Variants in PTPRM observed in about 807,000 individuals in gnomAD.
PTPRM encodes the protein protein tyrosine phosphatase receptor type M.
PTPRM carries 47 observed loss-of-function variants against 186.7 expected under a neutral mutation model. The ratio of observed to expected loss-of-function variants is 0.25; its 90% CI spans 0.20 to 0.32. PTPRM has a LOEUF of 0.32. Among genes scored for constraint, PTPRM ranks in the 10% least tolerant of loss-of-function variants. The pLI is 1.00. For missense variants in PTPRM, 1,494 were observed against 1,865.0 expected (o/e 0.80, Z 3.66); for synonymous variants, 668 against 674.9 (o/e 0.99, Z 0.16).
chr18:8,012,981 G>T (rs1248467369), intron 7 of PTPRM, among the ~76,000 whole-genome samples: 1 of 152,082 alleles, frequency 6.6e-6, no homozygotes, highest in East Asian at 1.9e-4. Context: ...AGGAAGAGTG[G>T]TAGCAAAAGG....
At chr18:7,589,632 T>C (rs2037071853) in intron 1 of PTPRM, among the ~76,000 whole-genome samples, 1 of 152,168 alleles carries the variant, frequency 6.6e-6, no homozygotes, top group Non-Finnish European at 1.5e-5. Context: ...TCAATTCTGG[T>C]CTTAGTCTGT....
chr18:7,941,730 G>GT (rs1352398398), intron 5 of PTPRM, among the ~76,000 whole-genome samples: 2 of 152,198 alleles, frequency 1.3e-5, no homozygotes. Context: ...TGCGACTCTG[G>GT]TCGCTTGCAT....
At chr18:7,806,930 T>G (rs914747307) in intron 2 of PTPRM, among the ~76,000 whole-genome samples, 2 of 152,234 alleles carry the variant, frequency 1.3e-5, no homozygotes, top group African/African-American at 4.8e-5. Flanking sequence ...CCATTTTCCC[T>G]GACTGCATTG....
intron 14 of PTPRM, among the ~76,000 whole-genome samples, chr18:8,179,046 G>T (rs1201237912): frequency 6.6e-6 from 1 of 152,096 alleles, no homozygotes; most frequent in African/African-American, 2.4e-5. Context: ...AAGGTATGAG[G>T]CCAGCTTTCC....
At chr18:7,680,542 C>T (rs1039061750) in intron 1 of PTPRM, among the ~76,000 whole-genome samples, 3 of 152,052 alleles carry the variant, frequency 2.0e-5, no homozygotes, top group Non-Finnish European at 2.9e-5. Context: ...GATGACATTT[C>T]GGGTAGACGT....
chr18:7,619,998 G>T (rs1164460211), intron 1 of PTPRM, among the ~76,000 whole-genome samples: 1 of 152,184 alleles, frequency 6.6e-6, no homozygotes, highest in African/African-American at 2.4e-5. Flanking sequence ...TGCACAAGAA[G>T]TGATATGTTC....
intron 11 of PTPRM, among the ~76,000 whole-genome samples, chr18:8,104,334 C>T (rs1182828648): frequency 1.3e-5 from 2 of 152,154 alleles, no homozygotes; most frequent in African/African-American, 4.8e-5. Flanking sequence ...TCATTGGAAT[C>T]TCTGGGGTTT....
chr18:8,185,497 C>G (rs575408197), intron 14 of PTPRM, among the ~76,000 whole-genome samples: 1 of 152,352 alleles, frequency 6.6e-6, no homozygotes, highest in East Asian at 1.9e-4. Context: ...CCCTGACCAG[C>G]CTGCCTCCTG....
intron 14 of PTPRM, among the ~76,000 whole-genome samples, chr18:8,159,443 C>G (rs1568441913): frequency 6.6e-6 from 1 of 152,044 alleles, no homozygotes; most frequent in South Asian, 2.1e-4. Flanking sequence ...TTTATTAAAT[C>G]CCAACATACT....
At chr18:8,114,936 G>C in intron 13 of PTPRM, 109 bp downstream of exon 13, 1 of 796,216 alleles carries the variant, frequency 1.3e-6, no homozygotes, top group South Asian at 1.8e-5. Flanking sequence ...TAAAATGTGT[G>C]TATTATATAT....
chr18:7,820,155 A>G (rs201635632), intron 2 of PTPRM, among the ~76,000 whole-genome samples: 2 of 151,986 alleles, frequency 1.3e-5, no homozygotes, highest in African/African-American at 4.8e-5. Flanking sequence ...TCCAGCTTCC[A>G]ATTAGCTATA....
At chr18:7,695,357 C>A (rs1333683315) in intron 1 of PTPRM, among the ~76,000 whole-genome samples, 1 of 152,146 alleles carries the variant, frequency 6.6e-6, no homozygotes, top group Admixed American at 6.5e-5. Context: ...TGGGTTTCTT[C>A]GAGTCACTAG....
chr18:7,874,747 G>A (rs892992509), intron 2 of PTPRM, among the ~76,000 whole-genome samples: 3 of 152,198 alleles, frequency 2.0e-5, no homozygotes, highest in African/African-American at 7.2e-5. Flanking sequence ...AGAAATATAT[G>A]TGTATAAATC....
intron 5 of PTPRM, among the ~76,000 whole-genome samples, chr18:7,936,224 T>C (rs1568037344): frequency 6.6e-6 from 1 of 152,262 alleles, no homozygotes; most frequent in East Asian, 1.9e-4. Flanking sequence ...AGCATCCCTG[T>C]GCTCTTAGAG....
In PTPRM at chr18:7,874,168, G is replaced by A. The variant is rs1218112045; in HGVS notation, c.197-13938G>A. Among the ~76,000 whole-genome samples, 6 of 152,122 alleles carry A rather than the reference G, an allele frequency of 3.9e-5. No homozygotes were observed. In the South Asian group the frequency reaches 8.3e-4, roughly 21 times the overall value. On this transcript the variant is annotated intron_variant, in intron 2 of 32. Coordinates refer to ENST00000580170, the MANE Select transcript of PTPRM (RefSeq NM_001105244.2). ...GTCTGTATGTTTATTTGTATATAAA[G>A]AAGTATCCTGAGGGAAACATACTAT...
intron 2 of PTPRM, among the ~76,000 whole-genome samples, chr18:7,820,988 G>A (rs566543945): frequency 3.3e-5 from 5 of 152,276 alleles, no homozygotes; most frequent in Non-Finnish European, 7.4e-5. Flanking sequence ...GACTGGGAGA[G>A]TTCCACAAGT....
At chr18:8,229,554 A>T (rs914794767) in intron 14 of PTPRM, among the ~76,000 whole-genome samples, 1 of 152,178 alleles carries the variant, frequency 6.6e-6, no homozygotes, top group Non-Finnish European at 1.5e-5. Context: ...TTGGTTTAGC[A>T]TATGATTCCT....
intron 2 of PTPRM, among the ~76,000 whole-genome samples, chr18:7,803,553 A>T (rs1411792433): frequency 6.6e-6 from 1 of 152,210 alleles, no homozygotes; most frequent in Non-Finnish European, 1.5e-5. Flanking sequence ...CACGGACATC[A>T]TTGGGGCTGC....
At chr18:7,617,257 A>C (rs1429662316) in intron 1 of PTPRM, among the ~76,000 whole-genome samples, 1 of 152,158 alleles carries the variant, frequency 6.6e-6, no homozygotes, top group Non-Finnish European at 1.5e-5. Context: ...GAAAAGGGAC[A>C]TTTGGGAAGC....
Sources: allele counts gnomAD v4.1 joint callset (sites outside exome capture counted in the v4.1 genomes callset), GRCh38; gene constraint gnomAD v4.1.1; transcripts MANE v1.5; gene names NCBI Gene and HGNC (gene_info 2026-07-23, HGNC 2026-07-21).